NBEA: variants seen among roughly 807,000 people sequenced by gnomAD.
NBEA encodes lysosomal-trafficking regulator 2.
A neutral mutation model predicts 343.4 loss-of-function variants in NBEA; 44 were observed. The ratio of observed to expected loss-of-function variants is 0.13; its 90% CI spans 0.10 to 0.16. The LOEUF (loss-of-function observed/expected upper bound fraction) is 0.16. NBEA is among the 10% of genes least tolerant of loss of function. The pLI is 1.00. For missense variants in NBEA, 2,555 were observed against 3,631.3 expected (o/e 0.70, Z 7.62); for synonymous variants, 1,175 against 1,238.7 (o/e 0.95, Z 1.08).
At chr13:35,187,223 C>T (rs1255358514) in intron 30 of NBEA, among the ~76,000 whole-genome samples, 1 of 151,788 alleles carries the variant, frequency 6.6e-6, no homozygotes, top group African/African-American at 2.4e-5. Flanking sequence ...CTTCACACCC[C>T]ACTCCCTTCT....
At chr13:35,282,668 A>C (rs905453174) in intron 34 of NBEA, among the ~76,000 whole-genome samples, 1 of 152,210 alleles carries the variant, frequency 6.6e-6, no homozygotes, top group African/African-American at 2.4e-5. Context: ...CAGGTCAGTC[A>C]CCTTCTGTAG....
intron 1 of NBEA, among the ~76,000 whole-genome samples, chr13:34,978,260 A>T (rs1239214773): frequency 2.0e-5 from 3 of 152,228 alleles, no homozygotes; most frequent in African/African-American, 7.2e-5. Context: ...TGGCACACAG[A>T]CTTCAGATAA....
At chr13:35,408,132 A>G (rs1463266298) in intron 38 of NBEA, among the ~76,000 whole-genome samples, 4 of 152,236 alleles carry the variant, frequency 2.6e-5, no homozygotes. Context: ...TACAGTAACC[A>G]AAACAGCATG....
chr13:35,217,793 A>G (rs1214024674), intron 33 of NBEA, among the ~76,000 whole-genome samples: 1 of 152,076 alleles, frequency 6.6e-6, no homozygotes, highest in African/African-American at 2.4e-5. Flanking sequence ...GGGAATACAG[A>G]CTATTCCCAG....
At chr13:35,318,614 A>G (rs1342861655) in intron 36 of NBEA, among the ~76,000 whole-genome samples, 2 of 152,202 alleles carry the variant, frequency 1.3e-5, no homozygotes, top group African/African-American at 4.8e-5. Flanking sequence ...TGTTGGCCTC[A>G]TAAAATGAGT....
At position 35,316,952 on chromosome 13, in the gene NBEA, GT is replaced by G. The variant is rs557813798; in HGVS notation, c.5903+7367del. 8.5e-5 allele frequency among the ~76,000 whole-genome samples: 13 copies of G among 152,066 alleles called. No individual in the cohort carries two copies. The South Asian group carries it at 1.5e-3, about 17-fold the overall frequency. Reference sequence around the variant, plus strand: ...ATATCCTTCGCCCTCTTTTTGATGGGTTTTTTTGTTTTATTTCTTGTAAATT... The same window carrying G: ...ATATCCTTCGCCCTCTTTTTGATGGGTTTTTTGTTTTATTTCTTGTAAATT... On this transcript the variant is annotated intron_variant, in intron 36 of 58. Transcript: ENST00000379939.
intron 41 of NBEA, chr13:35,476,175 G>T (rs2075855421): frequency 6.2e-7 from 1 of 1,611,332 alleles, no homozygotes; most frequent in Admixed American, 1.7e-5. Context: ...CCGGAGTCTC[G>T]CAGTAAGCTG....
intron 34 of NBEA, among the ~76,000 whole-genome samples, chr13:35,240,352 G>A (rs1377181514): frequency 6.6e-6 from 1 of 151,774 alleles, no homozygotes; most frequent in African/African-American, 2.4e-5. Flanking sequence ...TTATCGTTTA[G>A]CACCCTTTAA....
chr13:35,452,221 T>C lies in NBEA; in HGVS notation c.6434T>C (p.Ile2145Thr). ...DAVSLLQEKE[I>T]DNLAGPVVLS... ...GTCAGTCTGCTACAGGAGAAAGAAATTGACAACCTTGCAGGTAAATTTTAA... is the reference window on the plus strand; with the variant it reads ...GTCAGTCTGCTACAGGAGAAAGAAACTGACAACCTTGCAGGTAAATTTTAA... The change falls in exon 40 of 59, where the codon ATT becomes ACT. Residue 2145 changes from isoleucine (I) to threonine (T), a missense_variant. By Grantham distance (89) the Ile-to-Thr change is moderately conservative (BLOSUM62 -1). This residue lies in a region of NBEA where 246 missense variants were observed against 313.7 expected (regional missense o/e 0.78). Transcript: ENST00000379939. The C allele has an allele frequency of 6.3e-7, 1 of 1,577,254 alleles. No homozygotes were observed.
At chr13:35,385,125 G>T (rs1486212389) in intron 38 of NBEA, among the ~76,000 whole-genome samples, 1 of 152,032 alleles carries the variant, frequency 6.6e-6, no homozygotes, top group East Asian at 1.9e-4. Context: ...AGTCTCTGCT[G>T]CATTAAAATT....
chr13:35,418,951 A>G (rs1594564517), intron 38 of NBEA, among the ~76,000 whole-genome samples: 1 of 152,044 alleles, frequency 6.6e-6, no homozygotes, highest in East Asian at 1.9e-4. Flanking sequence ...ACATAATGAG[A>G]TATCTTGGGG....
intron 34 of NBEA, among the ~76,000 whole-genome samples, chr13:35,254,681 T>A (rs906397502): frequency 2.0e-4 from 31 of 152,220 alleles, no homozygotes; most frequent in East Asian, 7.7e-4. Context: ...GTTCCTATTT[T>A]AAAAATTTTT....
chr13:35,550,554 T>G lies in NBEA; in HGVS notation c.6663T>G (p.Leu2221=). 1 of 1,613,312 alleles carries G rather than the reference T, an allele frequency of 6.2e-7. No individual in the cohort carries two copies. The highest frequency in any genetic ancestry group is 8.5e-7 in the Non-Finnish European group (1 of 1,179,416). The part of the protein sequence containing the change: ...EIRAVFSRRY[L]LQNTALEVFM... ...GAGCTGTATTTTCAAGACGTTACCT[T>G]CTACAAAACACTGCTTTGGAAGTAT... Residue 2221 remains leucine (L), a synonymous_variant, in exon 42 of 59, where the codon CTT becomes CTG. Coordinates refer to ENST00000379939, the MANE Select transcript of NBEA (RefSeq NM_001385012.1).
At chr13:34,972,115 A>G (rs565931635) in intron 1 of NBEA, among the ~76,000 whole-genome samples, 2 of 151,756 alleles carry the variant, frequency 1.3e-5, no homozygotes, top group South Asian at 4.2e-4. Context: ...CTACATTTTT[A>G]AGTTTATATG....
chr13:35,327,433 A>G (rs983541097), intron 36 of NBEA, among the ~76,000 whole-genome samples: 11 of 152,106 alleles, frequency 7.2e-5, no homozygotes, highest in Non-Finnish European at 2.9e-5. Context: ...ACACCATGGA[A>G]TACTATGCAG....
intron 10 of NBEA, among the ~76,000 whole-genome samples, chr13:35,095,658 T>C (rs1479851410): frequency 5.9e-5 from 9 of 151,958 alleles, no homozygotes; most frequent in Non-Finnish European, 1.5e-5. Flanking sequence ...CAAACTCTTA[T>C]CCATTCTTGA....
At chr13:35,475,525 G>T (rs1238243802) in intron 41 of NBEA, 5 of 1,612,524 alleles carry the variant, frequency 3.1e-6, no homozygotes, top group Non-Finnish European at 4.2e-6. Flanking sequence ...GAAACCTTCC[G>T]CCTTGACCTC....
chr13:35,532,527 TTTGA>T lies in NBEA; in HGVS notation c.6586-17946_6586-17943del, dbSNP rs374185645. Among the ~76,000 whole-genome samples the T allele has an allele frequency of 2.8e-3, 424 of 152,312 alleles. 2 individuals carry two copies. Among genetic ancestry groups the T allele is most frequent in the Middle Eastern group, 0.01 (3 of 294 alleles). ...TTATAATTAAATAAGTACTAAATAC[TTTGA>T]TTGTGCAGTCAAAAAGCTTTGTTAC... On this transcript the variant is annotated intron_variant, in intron 41 of 58. Transcript: ENST00000379939.
chr13:35,068,771 A>C (rs950032229), intron 8 of NBEA, among the ~76,000 whole-genome samples: 2 of 152,178 alleles, frequency 1.3e-5, no homozygotes, highest in African/African-American at 4.8e-5. Context: ...TTAAATTTTA[A>C]AATATAGTGA....
Sources: allele counts gnomAD v4.1 joint callset (sites outside exome capture counted in the v4.1 genomes callset), GRCh38; gene constraint gnomAD v4.1.1; regional missense constraint gnomAD v4.1.1; transcripts MANE v1.5; gene names NCBI Gene and HGNC (gene_info 2026-07-23, HGNC 2026-07-21).